Variants in OTUD7A observed in about 807,000 individuals in gnomAD.
The protein encoded by OTUD7A is OTU deubiquitinase 7A, also known as OTU domain-containing protein 7A.
A neutral mutation model predicts 65.7 loss-of-function variants in OTUD7A; 12 were observed. The observed-to-expected ratio is 0.18, with a 90% CI of 0.12 to 0.30. The LOEUF is 0.30. Among genes scored for constraint, OTUD7A ranks in the 10% least tolerant of loss-of-function variants. The pLI is 1.00. For synonymous variants in OTUD7A, 641 were observed against 586.3 expected, an observed-to-expected ratio of 1.09 and a Z score of -1.35; for missense variants, 1,148 against 1,304.8, an observed-to-expected ratio of 0.88 and a Z score of 1.85.
At chr15:31,590,865 C>G in intron 3 of OTUD7A, among the ~76,000 whole-genome samples, 1 of 152,160 alleles carries the variant, frequency 6.6e-6, no homozygotes, top group Non-Finnish European at 1.5e-5. Flanking sequence ...TGGCTTGTGG[C>G]CATGGATTCA....
intron 1 of OTUD7A, among the ~76,000 whole-genome samples, chr15:31,774,091 T>C (rs1423711529): frequency 2.0e-5 from 3 of 152,158 alleles, no homozygotes; most frequent in Non-Finnish European, 2.9e-5. Flanking sequence ...TATGAGAGAA[T>C]AGTCTGAGAG....
At chr15:31,727,689 T>C (rs527915849) in intron 1 of OTUD7A, among the ~76,000 whole-genome samples, 24 of 152,232 alleles carry the variant, frequency 1.6e-4, no homozygotes, top group Non-Finnish European at 3.2e-4. Flanking sequence ...ATCCATGGGA[T>C]GGCCCTGTTA....
At chr15:31,660,062 A>G (rs1426746522) in intron 1 of OTUD7A, among the ~76,000 whole-genome samples, 1 of 152,292 alleles carries the variant, frequency 6.6e-6, no homozygotes, top group African/African-American at 2.4e-5. Flanking sequence ...TACTATTATT[A>G]CCATTGACAT....
intron 1 of OTUD7A, among the ~76,000 whole-genome samples, chr15:31,758,908 T>C (rs16955871): frequency 0.023 from 3,496 of 152,316 alleles, 163 homozygotes; most frequent in African/African-American, 0.079. Flanking sequence ...TTTGATGTAA[T>C]TTTGATTTTG....
chr15:31,558,631 A>G (rs1035353611), intron 5 of OTUD7A: 3 of 327,788 alleles, frequency 9.2e-6, no homozygotes, highest in Non-Finnish European at 1.7e-5. Flanking sequence ...GGTCTTTCCT[A>G]TCTTTCATTC....
At chr15:31,786,005 T>C (rs544006159) in intron 1 of OTUD7A, among the ~76,000 whole-genome samples, 3 of 152,246 alleles carry the variant, frequency 2.0e-5, no homozygotes, top group Non-Finnish European at 4.4e-5. Context: ...TTCAAATCCA[T>C]TCATGGATTA....
At chr15:31,510,535 A>ATATATGTATAT in intron 8 of OTUD7A, among the ~76,000 whole-genome samples, 1 of 137,124 alleles carries the variant, frequency 7.3e-6, no homozygotes, top group South Asian at 2.3e-4. Flanking sequence ...TATGTAACAT[A>ATATATGTATAT]CATATGTATA....
intron 1 of OTUD7A, among the ~76,000 whole-genome samples, chr15:31,850,469 T>C (rs1166274128): frequency 6.6e-6 from 1 of 151,724 alleles, no homozygotes; most frequent in African/African-American, 2.4e-5. Context: ...AAATGATGAG[T>C]TAATGGGTGC....
chr15:31,672,013 C>T (rs868251079), intron 1 of OTUD7A, among the ~76,000 whole-genome samples: 25 of 152,102 alleles, frequency 1.6e-4, no homozygotes, highest in African/African-American at 4.6e-4. Flanking sequence ...AGTAAGAACA[C>T]GCGGCATTTG....
intron 1 of OTUD7A, among the ~76,000 whole-genome samples, chr15:31,864,329 T>C (rs970812178): frequency 6.6e-6 from 1 of 152,190 alleles, no homozygotes; most frequent in Non-Finnish European, 1.5e-5. Context: ...ACCAATTTAC[T>C]GTATTAGTTT....
chr15:31,772,373 G>A (rs962044972), intron 1 of OTUD7A, among the ~76,000 whole-genome samples: 1 of 151,644 alleles, frequency 6.6e-6, no homozygotes, highest in Non-Finnish European at 1.5e-5. Context: ...TCACCTCTAT[G>A]TGCCCAGCAT....
intron 1 of OTUD7A, among the ~76,000 whole-genome samples, chr15:31,823,952 C>A (rs1303323451): frequency 6.6e-6 from 1 of 152,202 alleles, no homozygotes; most frequent in East Asian, 1.9e-4. Flanking sequence ...AGAATCCATT[C>A]ATTCATGGGT....
intron 1 of OTUD7A, among the ~76,000 whole-genome samples, chr15:31,798,620 T>C (rs796216746): frequency 6.6e-6 from 1 of 152,196 alleles, no homozygotes; most frequent in South Asian, 2.1e-4. Context: ...AACCAAAACC[T>C]CACTGAGGAT....
Position 31,483,654 on chromosome 15 carries a change from C to G in OTUD7A, c.2442G>C (p.Gln814His), listed in dbSNP as rs1258658303. Residue 814 changes from glutamine to histidine, a missense_variant, in exon 13 of 13, where the codon CAG (glutamine) becomes CAC (histidine). By Grantham distance (24) the Gln-to-His change is conservative (BLOSUM62 0). Around this residue, in one of 6 missense-constraint regions of OTUD7A, gnomAD observed 842 missense variants for 769.5 expected, o/e 1.09. Coordinates refer to ENST00000307050, the MANE Select transcript of OTUD7A (RefSeq NM_001382637.1). ...CGGCGGCGCGCGCCGGGCTGTAGCT[C>G]TGCGACGACAGCGAGCGGTTCTGCT... is the stretch of plus-strand genomic sequence containing the variant. ...YPQQNRSLSS[Q>H]SYSPARAAAL... The G allele has an allele frequency of 1.7e-6, 2 of 1,171,116 alleles. No individual in the cohort carries two copies. Among genetic ancestry groups the G allele is most frequent in the African/African-American group, 1.6e-5 (1 of 61,338 alleles). The allele number at this position is 1,171,116 out of a possible 1,614,324, so 72.5% of individuals were successfully genotyped here. A position where few individuals can be genotyped will look rare whatever the true frequency, so the allele number is the denominator to read the frequency against.
At chr15:31,532,082 C>A (rs959166746) in intron 5 of OTUD7A, among the ~76,000 whole-genome samples, 1 of 152,090 alleles carries the variant, frequency 6.6e-6, no homozygotes, top group Admixed American at 6.6e-5. Context: ...TTAAGTAAGA[C>A]CCAGAGTCCT....
rs755978182 is a variant in OTUD7A at position 31,484,088 on chromosome 15, C to T, written c.2008G>A (p.Glu670Lys). Residue 670 changes from glutamate (E) to lysine (K), a missense_variant, in exon 13 of 13, where the codon GAG (glutamate) becomes AAG (lysine). Physicochemically the swap from Glu to Lys is moderately conservative, Grantham distance 56 (BLOSUM62 1). Transcript: ENST00000307050. The surrounding 1 kb of genome is among the most constrained non-coding windows in gnomAD (Gnocchi z 4.5). ...TGCTCCTGCTCGGCGCTGAAGCGCT[C>T]CTGCGCGCTCGTCAGGTAGTAGCCG... ...MIGYYLTSAQERFSAEQEQRR... is the reference protein window; with the variant it reads ...MIGYYLTSAQKRFSAEQEQRR... 6.3e-7 allele frequency: 1 copy of T among 1,598,980 alleles called. No homozygotes were observed. Among genetic ancestry groups the T allele is most frequent in the Non-Finnish European group, 8.5e-7 (1 of 1,178,086 alleles).
chr15:31,478,351 T>TAC lies in OTUD7A; in HGVS notation c.*4942_*4943insGT, dbSNP rs907760416. 2.6e-5 allele frequency: 4 copies of TAC among 152,190 alleles called. No homozygotes were observed. Among genetic ancestry groups the TAC allele is most frequent in the Non-Finnish European group, 2.9e-5 (2 of 67,996 alleles). The allele number at this position is 152,190 out of a possible 1,614,324, so 9.4% of individuals were successfully genotyped here. On this transcript the variant is annotated 3_prime_UTR_variant, in exon 13 of 13. Transcript: ENST00000307050. ...TTATGTTAAACTAACAAATTATGTATATATATATCCTTGATATGCTCTTTG... is the reference window on the plus strand; with the variant it reads ...TTATGTTAAACTAACAAATTATGTATACATATATATCCTTGATATGCTCTTTG...
At chr15:31,679,782 C>T (rs1892672225) in intron 1 of OTUD7A, among the ~76,000 whole-genome samples, 1 of 151,980 alleles carries the variant, frequency 6.6e-6, no homozygotes, top group Non-Finnish European at 1.5e-5. Flanking sequence ...TGAAAACAGA[C>T]TAATACACCA....
At position 31,656,340 on chromosome 15, in the gene OTUD7A, G is replaced by A. The variant is rs183545050; in HGVS notation, c.-5+643C>T. On this transcript the variant is annotated intron_variant, in intron 2 of 12. Coordinates refer to ENST00000307050, the MANE Select transcript of OTUD7A (RefSeq NM_001382637.1). ...GTTTGTGTAGATAAGAGGTCTGCAA[G>A]TTATAGACCATGGGCCACATGTGGT... 1.8e-4 allele frequency among the ~76,000 whole-genome samples: 27 copies of A among 152,316 alleles called. No individual in the cohort carries two copies. The East Asian group carries it at 4.6e-3, about 26-fold the overall frequency.
Sources: gnomAD v4.1 joint callset for allele counts (sites outside exome capture counted in the v4.1 genomes callset) on GRCh38, gnomAD v4.1.1 for gene constraint, gnomAD v4.1.1 regional missense constraint, Gnocchi (gnomAD v3.1) non-coding constraint, MANE v1.5 for transcripts, NCBI Gene and HGNC (gene_info 2026-07-23, HGNC 2026-07-21) for gene names.